Variants in ARHGAP29 observed in about 807,000 individuals in gnomAD.
The protein encoded by ARHGAP29 is rho GTPase-activating protein 29.
A neutral mutation model predicts 122.6 loss-of-function variants in ARHGAP29; 43 were observed. The observed-to-expected ratio is 0.35, with a 90% CI of 0.27 to 0.45. ARHGAP29 has a LOEUF of 0.45. Ranked by LOEUF, ARHGAP29 falls within the 20% of genes least tolerant of loss-of-function variation. ARHGAP29 has a pLI of 1.00. For missense variants in ARHGAP29, 1,303 were observed against 1,477.2 expected, an observed-to-expected ratio of 0.88 and a Z score of 1.93; for synonymous variants, 506 against 497.1, an observed-to-expected ratio of 1.02 and a Z score of -0.24.
At chr1:94,239,010 A>AT (rs1257726002), upstream of ARHGAP29, among the ~76,000 whole-genome samples, 2 of 152,170 alleles carry the variant, frequency 1.3e-5, no homozygotes, top group South Asian at 2.1e-4. Flanking sequence ...ACCATACTGG[A>AT]TTTTTTGGAC....
At chr1:94,191,415 A>G (rs765298673) in intron 12 of ARHGAP29, 6 of 152,154 alleles carry the variant, frequency 3.9e-5, no homozygotes, top group Non-Finnish European at 8.8e-5. Flanking sequence ...GTCCTTTTCA[A>G]TGTAGACAGG....
chr1:94,207,334 G>A (rs528814825), intron 5 of ARHGAP29, among the ~76,000 whole-genome samples: 24 of 151,872 alleles, frequency 1.6e-4, no homozygotes, highest in African/African-American at 5.3e-4. Flanking sequence ...TTTCAAAACC[G>A]TTGATCAAAG....
At chr1:94,247,501 G>A (rs570085301) in intron 1 of ARHGAP29, among the ~76,000 whole-genome samples, 5 of 151,484 alleles carry the variant, frequency 3.3e-5, no homozygotes, top group Non-Finnish European at 7.4e-5. Flanking sequence ...GCGCCCGCGC[G>A]GGCGACCCCA....
At chr1:94,242,853 A>G (rs1213018791) in intron 1 of ARHGAP29, among the ~76,000 whole-genome samples, 1 of 152,108 alleles carries the variant, frequency 6.6e-6, no homozygotes, top group Non-Finnish European at 1.5e-5. Flanking sequence ...AGATACATGG[A>G]AAGTAAAACA....
chr1:94,180,089 T>TGG, intron 19 of ARHGAP29, 132 bp from the exon 20 acceptor site: 3 of 637,154 alleles, frequency 4.7e-6, no homozygotes, highest in Non-Finnish European at 7.9e-6. Flanking sequence ...CCACATTTAG[T>TGG]AATGTAAATG....
chr1:94,238,547 T>C (rs930482299), upstream of ARHGAP29, among the ~76,000 whole-genome samples: 1 of 141,262 alleles, frequency 7.1e-6, no homozygotes, highest in African/African-American at 2.7e-5. Flanking sequence ...AAAGAACTCA[T>C]AGAGAAACAG....
chr1:94,233,677 A>C (rs1358416772), intron 1 of ARHGAP29, among the ~76,000 whole-genome samples: 2 of 151,794 alleles, frequency 1.3e-5, no homozygotes, highest in Non-Finnish European at 2.9e-5. Context: ...TGCCACACAC[A>C]CCTCCTTCTC....
chr1:94,219,908 C>T (rs1386537696), intron 3 of ARHGAP29, among the ~76,000 whole-genome samples: 1 of 152,100 alleles, frequency 6.6e-6, no homozygotes, highest in African/African-American at 2.4e-5. Flanking sequence ...TGCACATTAC[C>T]ACTCTCCAAT....
chr1:94,249,867 A>G lies in ARHGAP29; in HGVS notation c.-32-18224T>C, dbSNP rs564834679. Among the ~76,000 whole-genome samples, 27 of 152,260 alleles carry G rather than the reference A, an allele frequency of 1.8e-4. No individual in the cohort carries two copies. The South Asian group carries it at 4.8e-3, about 27-fold the overall frequency. On this transcript the variant is annotated intron_variant and NMD_transcript_variant, in intron 1 of 25. Coordinates refer to the ARHGAP29 transcript ENST00000552844. ...CATGGTTTTTGGCAGTGTTTATGCT[A>G]ATTAGATTGAAAGTTCCACAGTACT...
At chr1:94,285,982 G>C in the ARHGAP29 span, among the ~76,000 whole-genome samples, 7 of 151,874 alleles carry the variant, frequency 4.6e-5, no homozygotes, top group African/African-American at 1.7e-4. Flanking sequence ...AACATGACTT[G>C]TTCTAGGAGA....
the ARHGAP29 span, among the ~76,000 whole-genome samples, chr1:94,312,404 G>A: frequency 8.8e-6 from 1 of 113,600 alleles, no homozygotes; most frequent in East Asian, 2.7e-4. Context: ...ACAAACTTAA[G>A]AAGAATGAAC....
In ARHGAP29 at chr1:94,172,781, AC is replaced by A. The variant is rs1648827243; in HGVS notation, c.*1087del. On this transcript the variant is annotated 3_prime_UTR_variant, in exon 23 of 23. Transcript: ENST00000260526. The stretch of plus-strand genomic sequence containing the variant: ...TAACAGGAATGTACTAGTCCTAAAA[AC>A]TGGACCTTTTATAAATGAAACAGAT... 1 of 152,504 alleles carries A rather than the reference AC, an allele frequency of 6.6e-6. No individual in the cohort carries two copies. The highest frequency in any genetic ancestry group is 2.4e-5 in the African/African-American group (1 of 41,438). 9.4% of individuals were successfully genotyped at this position (152,504 alleles called of 1,614,324 possible).
chr1:94,199,023 T>TGA (rs1318358326), intron 12 of ARHGAP29, among the ~76,000 whole-genome samples: 1 of 152,016 alleles, frequency 6.6e-6, no homozygotes, highest in African/African-American at 2.4e-5. Context: ...TTCTCAATCA[T>TGA]ATGTGGGAAC....
intron 2 of ARHGAP29, among the ~76,000 whole-genome samples, chr1:94,222,432 C>G (rs1003244264): frequency 6.6e-6 from 1 of 152,156 alleles, no homozygotes; most frequent in African/African-American, 2.4e-5. Flanking sequence ...GGTAAATATC[C>G]TTGCTATAAA....
intron 22 of ARHGAP29, 24 bp downstream of exon 22, chr1:94,177,585 ATAT>A: frequency 6.4e-7 from 1 of 1,550,666 alleles, no homozygotes; most frequent in South Asian, 1.2e-5. Context: ...GCCAGCAAAC[ATAT>A]TTTTTTTTTA....
chr1:94,221,580 T>C (rs1333402663), intron 2 of ARHGAP29, among the ~76,000 whole-genome samples: 2 of 150,548 alleles, frequency 1.3e-5, no homozygotes, highest in African/African-American at 4.9e-5. Flanking sequence ...TACACATTTC[T>C]GTATGACTAC....
the ARHGAP29 span, among the ~76,000 whole-genome samples, chr1:94,288,125 C>T: frequency 6.6e-6 from 1 of 152,194 alleles, no homozygotes; most frequent in African/African-American, 2.4e-5. Context: ...AGTGTAAAAG[C>T]ATTTCTATTT....
the ARHGAP29 span, among the ~76,000 whole-genome samples, chr1:94,294,007 CTG>C: frequency 6.7e-3 from 1,023 of 152,306 alleles, 8 homozygotes; most frequent in African/African-American, 0.024. Context: ...TACCTAGGGA[CTG>C]CCAGCCATTG....
At chr1:94,285,201 T>C in the ARHGAP29 span, among the ~76,000 whole-genome samples, 1 of 152,168 alleles carries the variant, frequency 6.6e-6, no homozygotes, top group African/African-American at 2.4e-5. Flanking sequence ...AGGCAATGAA[T>C]AGAGTTGGAC....
Sources: allele counts gnomAD v4.1 joint callset (sites outside exome capture counted in the v4.1 genomes callset), GRCh38; gene constraint gnomAD v4.1.1; transcripts MANE v1.5; gene names NCBI Gene and HGNC (gene_info 2026-07-23, HGNC 2026-07-21).